The following MKI67 variants were observed in gnomAD, a reference collection of about 807,000 sequenced individuals.
MKI67 encodes marker of proliferation Ki-67.
MKI67 carries 152 observed loss-of-function variants against 233.5 expected under a neutral mutation model. The ratio of observed to expected loss-of-function variants is 0.65; its 90% CI spans 0.57 to 0.74. The LOEUF (loss-of-function observed/expected upper bound fraction) is 0.74, where lower values mean the gene tolerates loss of function less well. Ranked by LOEUF, MKI67 falls within the 30% of genes least tolerant of loss-of-function variation. The pLI, the probability that MKI67 is intolerant of heterozygous loss-of-function variation, is 0.00. For missense variants in MKI67, 3,940 were observed against 3,885.2 expected (o/e 1.01, Z -0.37); for synonymous variants, 1,465 against 1,418.5 (o/e 1.03, Z -0.74).
chr10:128,108,630 C>T lies in MKI67; in HGVS notation c.3210G>A (p.Glu1070=), dbSNP rs562920540. The T allele has an allele frequency of 1.2e-5, 19 of 1,614,164 alleles. No individual in the cohort carries two copies. The South Asian group carries it at 2.1e-4, about 18-fold the overall frequency. ...GDGKSIRTFK[E]SPKQILDPAA... ...CTGGGTCCAGGATCTGCTTTGGAGA[C>T]TCCTTAAACGTTCTGATGCTCTTGC... The change falls in exon 13 of 15, where the codon GAG becomes GAA. Residue 1070 remains glutamate (E), a synonymous_variant. Transcript: ENST00000368654.
In MKI67 at chr10:128,106,609, A is replaced by G. The variant is rs1852504057; in HGVS notation, c.5231T>C (p.Leu1744Pro). ...KVSYRASQPD[L>P]VDTPTSSKPQ... ...CTTGGAGCTTGTTGGGGTGTCCACTAGGTCTGGCTGTGAAGCTCTGTAGGA... is the reference window on the plus strand; with the variant it reads ...CTTGGAGCTTGTTGGGGTGTCCACTGGGTCTGGCTGTGAAGCTCTGTAGGA... Residue 1744 changes from leucine (L) to proline (P), a missense_variant, in exon 13 of 15, where the codon CTA (leucine) becomes CCA (proline). Leu to Pro is a moderately conservative substitution (Grantham distance 98). Transcript: ENST00000368654. 6.2e-7 allele frequency: 1 copy of G among 1,613,600 alleles called. No homozygotes were observed. Among genetic ancestry groups the G allele is most frequent in the African/African-American group, 1.3e-5 (1 of 74,814 alleles).
In MKI67 at chr10:128,103,304, C is replaced by T. The variant is rs147629024; in HGVS notation, c.8536G>A (p.Ala2846Thr). The T allele has an allele frequency of 7.2e-5, 117 of 1,614,040 alleles. No individual in the cohort carries two copies. Among genetic ancestry groups the T allele is most frequent in the Middle Eastern group, 3.3e-4 (2 of 6,084 alleles). Residue 2846 changes from alanine to threonine, a missense_variant, in exon 13 of 15, where the codon GCC becomes ACC. Physicochemically the swap from Ala to Thr is moderately conservative, Grantham distance 58. Coordinates refer to ENST00000368654, the MANE Select transcript of MKI67 (RefSeq NM_002417.5). ...TCCTCCTTCACTTCTACTTTCTGGG[C>T]ACGTGTCCTGGGCCGTCTCTTTGAG... Reference protein sequence around the residue: ...TSSKRRPRTRAQKVEVKEELL... With the variant: ...TSSKRRPRTRTQKVEVKEELL...
At position 128,115,405 on chromosome 10, in the gene MKI67, C is replaced by T. The variant is rs199572304; in HGVS notation, c.1003G>A (p.Ala335Thr). 184 of 1,614,008 alleles carry T rather than the reference C, an allele frequency of 1.1e-4. No individual in the cohort carries two copies. The highest frequency in any genetic ancestry group is 6.2e-4 in the East Asian group (28 of 44,886). Residue 335 changes from alanine to threonine, a missense_variant, in exon 7 of 15, where the codon GCC becomes ACC. Coordinates refer to ENST00000368654, the MANE Select transcript of MKI67 (RefSeq NM_002417.5). ...SVQTPSKAVG[A>T]SFPLYEPAKM... ...GCCGGCTCATAGAGAGGAAAGCTGG[C>T]GCCCACAGCCTTGCTGGGAGTCTGA... is the stretch of plus-strand genomic sequence containing the variant.
rs574413372 is a variant in MKI67 at position 128,097,406 on chromosome 10, C to G, written c.*1784G>C. On this transcript the variant is annotated 3_prime_UTR_variant, in exon 15 of 15. Coordinates refer to ENST00000368654, the MANE Select transcript of MKI67 (RefSeq NM_002417.5). ...TAAAATGAAAACCACCCTTAGCGTG[C>G]TCTTGAAATACTGTACTTACCAGGG... The G allele has an allele frequency of 8.5e-5, 13 of 152,258 alleles. No homozygotes were observed. The highest frequency in any genetic ancestry group is 2.9e-4 in the African/African-American group (12 of 41,544). 9.4% of individuals were successfully genotyped at this position (152,258 alleles called of 1,614,324 possible). A position where few individuals can be genotyped will look rare whatever the true frequency, so the allele number is the denominator to read the frequency against.
rs1192252408 is a variant in MKI67 at position 128,097,353 on chromosome 10, C to A, written c.*1837G>T. The A allele has an allele frequency of 6.6e-6, 1 of 152,100 alleles. No homozygotes were observed. Among genetic ancestry groups the A allele is most frequent in the Admixed American group, 6.5e-5 (1 of 15,276 alleles). The allele number at this position is 152,100 out of a possible 1,614,324, so 9.4% of individuals were successfully genotyped here. A position where few individuals can be genotyped will look rare whatever the true frequency, so the allele number is the denominator to read the frequency against. ...AACACGGGGGTAGCCCTTAAATGAACATTTTTAACCCATCATCAACAGCCC... is the reference window on the plus strand; with the variant it reads ...AACACGGGGGTAGCCCTTAAATGAAAATTTTTAACCCATCATCAACAGCCC... On this transcript the variant is annotated 3_prime_UTR_variant, in exon 15 of 15. Coordinates refer to ENST00000368654, the MANE Select transcript of MKI67 (RefSeq NM_002417.5).
In MKI67 at chr10:128,102,667, C is replaced by T. The variant is rs779497000; in HGVS notation, c.9173G>A (p.Arg3058Lys). 1.1e-5 allele frequency: 17 copies of T among 1,614,076 alleles called. No individual in the cohort carries two copies. The highest frequency in any genetic ancestry group is 1.4e-5 in the Non-Finnish European group (17 of 1,180,044). The change falls in exon 13 of 15, where the codon AGA (arginine) becomes AAA (lysine). Residue 3058 changes from arginine to lysine, a missense_variant. Transcript: ENST00000368654. ...MKRSLRTSAKRIEPAEELNSN... is the reference protein window; with the variant it reads ...MKRSLRTSAKKIEPAEELNSN... ...GTTCAGCTCTTCCGCAGGTTCAATT[C>T]TTTTTGCAGAAGTCCTCAAACTTCT...
chr10:128,104,900 C>T lies in MKI67; in HGVS notation c.6940G>A (p.Glu2314Lys), dbSNP rs1318852143. ...AGCTCTTTGAAGCCAGCCAGGTCTT[C>T]TAGAGCCTGGGCCTTTTCCTTAGGA... ...QTPKEKAQAL[E>K]DLAGFKELFQ... The change falls in exon 13 of 15, where the codon GAA (glutamate) becomes AAA (lysine). Residue 2314 changes from glutamate (E) to lysine (K), a missense_variant. By Grantham distance (56) the Glu-to-Lys change is moderately conservative. Coordinates refer to ENST00000368654, the MANE Select transcript of MKI67 (RefSeq NM_002417.5). 2.5e-6 allele frequency: 4 copies of T among 1,611,992 alleles called. No homozygotes were observed. Among genetic ancestry groups the T allele is most frequent in the Non-Finnish European group, 2.5e-6 (3 of 1,179,636 alleles).
rs1397952771 is a variant in MKI67, at chr10:128,105,557, C to T, written c.6283G>A (p.Asp2095Asn). The T allele has an allele frequency of 6.2e-7, 1 of 1,613,692 alleles. No homozygotes were observed. The highest frequency in any genetic ancestry group is 1.3e-5 in the African/African-American group (1 of 74,776). ...TPDHTEESTT[D>N]DKTTKIACKS... ...CAGGCTATTTTGGTAGTTTTGTCAT[C>T]AGTTGTTGATTCCTCAGTGTGGTCT... The change falls in exon 13 of 15, where the codon GAT (aspartate) becomes AAT (asparagine). Residue 2095 changes from aspartate (D) to asparagine (N), a missense_variant. Asp to Asn is a conservative substitution (Grantham distance 23). Transcript: ENST00000368654.
rs1382417722 is a variant in MKI67 at position 128,102,552 on chromosome 10, G to A, written c.9261+27C>T. On this transcript the variant is annotated intron_variant, in intron 13 of 14. Transcript: ENST00000368654. ...ATTCACAACTATCCAAGACGATATT[G>A]AGTGATGCTGTAATACTTCCTCTCA... The A allele has an allele frequency of 1.9e-6, 3 of 1,603,884 alleles. No homozygotes were observed. The South Asian group carries it at 3.3e-5, about 18-fold the overall frequency.
Position 128,111,700 on chromosome 10 carries a change from T to A in MKI67, c.2205A>T (p.Arg735Ser), listed in dbSNP as rs751631113. ...GGTTGGAAATGAAGTTGTTGAGCAC[T>A]CTGTAGGGTCGAGCAGGCACATGTA... ...EKVHVPARPY[R>S]VLNNFISNQK... The change falls in exon 11 of 15, where the codon AGA becomes AGT. Residue 735 changes from arginine to serine, a missense_variant. Coordinates refer to ENST00000368654, the MANE Select transcript of MKI67 (RefSeq NM_002417.5). 1 of 1,614,054 alleles carries A rather than the reference T, an allele frequency of 6.2e-7. No individual in the cohort carries two copies. The highest frequency in any genetic ancestry group is 1.1e-5 in the South Asian group (1 of 91,030).
rs1179167169 is a variant in MKI67, at chr10:128,121,639, TAC to T, written c.287+1240_287+1241del. ...TACATATATATGAGACACTGTAGAA[TAC>T]AGTTTTCAATTACACAAGGCAGATT... is the stretch of plus-strand genomic sequence containing the variant. On this transcript the variant is annotated intron_variant, in intron 4 of 14. Coordinates refer to ENST00000368654, the MANE Select transcript of MKI67 (RefSeq NM_002417.5). Among the ~76,000 whole-genome samples, 6 of 147,248 alleles carry T rather than the reference TAC, an allele frequency of 4.1e-5. No individual in the cohort carries two copies. The South Asian group carries it at 1.0e-3, about 26-fold the overall frequency.
chr10:128,107,842 G>C lies in MKI67; in HGVS notation c.3998C>G (p.Pro1333Arg). 1 of 1,609,978 alleles carries C rather than the reference G, an allele frequency of 6.2e-7. No homozygotes were observed. The highest frequency in any genetic ancestry group is 8.5e-7 in the Non-Finnish European group (1 of 1,178,770). ...TENLTGSKRR[P>R]QTPKEEAQAL... ...CTGGGCCTCTTCCTTAGGAGTTTGTGGCCGTCTCTTGCTGCCGGTTAAGTT... is the reference window on the plus strand; with the variant it reads ...CTGGGCCTCTTCCTTAGGAGTTTGTCGCCGTCTCTTGCTGCCGGTTAAGTT... The change falls in exon 13 of 15, where the codon CCA (proline) becomes CGA (arginine). Residue 1333 changes from proline (P) to arginine (R), a missense_variant. Pro to Arg is a moderately radical substitution (Grantham distance 103). Coordinates refer to ENST00000368654, the MANE Select transcript of MKI67 (RefSeq NM_002417.5).
In MKI67 at chr10:128,125,823, T is replaced by C. The variant is rs1286210811; in HGVS notation, c.-89-67A>G. On this transcript the variant is annotated intron_variant, in intron 1 of 14. Transcript: ENST00000368654. This position sits in a 1 kb window ranked among gnomAD's most constrained non-coding sequence, Gnocchi z 5.3. Reference sequence around the variant, plus strand: ...AGAAGGGCCCCGTGCCCAATTCACCTATCCCCGGCCACAGAAGCGCACACC... The same window carrying C: ...AGAAGGGCCCCGTGCCCAATTCACCCATCCCCGGCCACAGAAGCGCACACC... 7 of 688,682 alleles carry C rather than the reference T, an allele frequency of 1.0e-5. No individual in the cohort carries two copies. Among genetic ancestry groups the C allele is most frequent in the East Asian group, 2.8e-5 (1 of 36,300 alleles). The allele number at this position is 688,682 out of a possible 1,614,324, so 42.7% of individuals were successfully genotyped here.
At position 128,125,270 on chromosome 10, in the gene MKI67, T is replaced by A. The variant is rs1489436750; in HGVS notation, c.92+306A>T. ...GAGGCACCCGGGGGCGCACAGTGTCTTCAGACGCCTGCCTGCAGCCAGTGA... is the reference window on the plus strand; with the variant it reads ...GAGGCACCCGGGGGCGCACAGTGTCATCAGACGCCTGCCTGCAGCCAGTGA... On this transcript the variant is annotated intron_variant, in intron 2 of 14. Transcript: ENST00000368654. This position sits in a 1 kb window ranked among gnomAD's most constrained non-coding sequence, Gnocchi z 5.3. Among the ~76,000 whole-genome samples the A allele has an allele frequency of 6.6e-6, 1 of 152,136 alleles. No homozygotes were observed. Among genetic ancestry groups the A allele is most frequent in the Non-Finnish European group, 1.5e-5 (1 of 68,032 alleles).
intron 5 of MKI67, among the ~76,000 whole-genome samples, chr10:128,117,739 A>T (rs1385761118): frequency 6.6e-6 from 1 of 152,244 alleles, no homozygotes; most frequent in South Asian, 2.1e-4. Context: ...TCTTATGACT[A>T]AACAATATAA....
At position 128,107,169 on chromosome 10, in the gene MKI67, A is replaced by G. The variant is rs1487055034; in HGVS notation, c.4671T>C (p.Thr1557=). 1.2e-6 allele frequency: 2 copies of G among 1,613,622 alleles called. No homozygotes were observed. Among genetic ancestry groups the G allele is most frequent in the African/African-American group, 2.7e-5 (2 of 74,780 alleles). Residue 1557 remains threonine, a synonymous_variant, in exon 13 of 15, where the codon ACT becomes ACC. Transcript: ENST00000368654. Reference sequence around the variant, plus strand: ...CTGTCAGGTCCAGTTTCTGCACTGGAGTTCCCATAAATGCGTAGATGTTTT... The same window carrying G: ...CTGTCAGGTCCAGTTTCTGCACTGGGGTTCCCATAAATGCGTAGATGTTTT... ...GEKNIYAFMG[T]PVQKLDLTEN... is the part of the protein sequence containing the mutation.
chr10:128,103,902 C>T lies in MKI67; in HGVS notation c.7938G>A (p.Leu2646=), dbSNP rs777834446. ...TTGGTTTCTTCTTTGCACGTTGCTT[C>T]AATACTTTGATGCCCTCATCACCGC... is the stretch of plus-strand genomic sequence containing the variant. The part of the protein sequence containing the change: ...PASGDEGIKV[L]KQRAKKKPNP... Residue 2646 remains leucine (L), a synonymous_variant, in exon 13 of 15, where the codon TTG becomes TTA. Coordinates refer to ENST00000368654, the MANE Select transcript of MKI67 (RefSeq NM_002417.5). The T allele has an allele frequency of 1.2e-6, 2 of 1,614,006 alleles. No homozygotes were observed. The highest frequency in any genetic ancestry group is 2.2e-5 in the East Asian group (1 of 44,866).
Position 128,107,707 on chromosome 10 carries a change from G to C in MKI67, c.4133C>G (p.Pro1378Arg), listed in dbSNP as rs753518910. Residue 1378 changes from proline (P) to arginine (R), a missense_variant, in exon 13 of 15, where the codon CCA becomes CGA. Coordinates refer to ENST00000368654, the MANE Select transcript of MKI67 (RefSeq NM_002417.5). Reference protein sequence around the residue: ...TTKMPCESSPPESADTPTSTR... With the variant: ...TTKMPCESSPRESADTPTSTR... ...GCTTGTTGGGGTGTCTGCTGATTCT[G>C]GTGGAGAAGATTCGCAGGGCATTTT... The C allele has an allele frequency of 1.1e-5, 17 of 1,613,620 alleles. 1 individual carries two copies. The highest frequency in any genetic ancestry group is 8.5e-7 in the Non-Finnish European group (1 of 1,179,978).
Position 128,119,220 on chromosome 10 carries a change from C to A in MKI67, c.354+33G>T, listed in dbSNP as rs758860536. The A allele has an allele frequency of 2.1e-5, 31 of 1,478,906 alleles. No homozygotes were observed. In the South Asian group the frequency reaches 3.6e-4, roughly 17 times the overall value. 91.6% of individuals were successfully genotyped at this position (1,478,906 alleles called of 1,614,324 possible). Reference sequence around the variant, plus strand: ...CATAAATGATTTCATATCATCGAAACGAATCAGCCCAAACTTGGATATTTT... The same window carrying A: ...CATAAATGATTTCATATCATCGAAAAGAATCAGCCCAAACTTGGATATTTT... On this transcript the variant is annotated intron_variant, in intron 5 of 14. Transcript: ENST00000368654.
Sources: allele counts gnomAD v4.1 joint callset (sites outside exome capture counted in the v4.1 genomes callset), GRCh38; gene constraint gnomAD v4.1.1; non-coding constraint Gnocchi (gnomAD v3.1); transcripts MANE v1.5; gene names NCBI Gene and HGNC (gene_info 2026-07-23, HGNC 2026-07-21).